Variants in RAPGEF2 observed in about 807,000 individuals in gnomAD.
RAPGEF2 encodes the protein Rap guanine nucleotide exchange factor 2.
A neutral mutation model predicts 186.7 loss-of-function variants in RAPGEF2; 54 were observed. The observed-to-expected ratio is 0.29, with a 90% confidence interval of 0.23 to 0.36. RAPGEF2 has a LOEUF of 0.36. RAPGEF2 is among the 10% of genes least tolerant of loss of function. The pLI, the probability that RAPGEF2 is intolerant of heterozygous loss-of-function variation, is 1.00. For synonymous variants in RAPGEF2, 712 were observed against 705.9 expected (o/e 1.01, Z -0.14); for missense variants, 1,532 against 2,045.0 (o/e 0.75, Z 4.84).
intron 7 of RAPGEF2, among the ~76,000 whole-genome samples, chr4:159,293,943 T>C (rs1014504317): frequency 6.6e-6 from 1 of 152,150 alleles, no homozygotes; most frequent in Non-Finnish European, 1.5e-5. Context: ...TTCTAACTGT[T>C]CATACTCCAG....
At chr4:159,181,667 C>T (rs1233105368) in intron 1 of RAPGEF2, among the ~76,000 whole-genome samples, 1 of 147,286 alleles carries the variant, frequency 6.8e-6, no homozygotes, top group African/African-American at 2.5e-5. Context: ...TCCTGAGTAG[C>T]TGGAACTACA....
intron 4 of RAPGEF2, among the ~76,000 whole-genome samples, chr4:159,211,246 C>T (rs555945576): frequency 2.6e-5 from 4 of 152,126 alleles, no homozygotes; most frequent in Non-Finnish European, 5.9e-5. Flanking sequence ...ATGTATTCCT[C>T]TGTTCCAACC....
intron 4 of RAPGEF2, among the ~76,000 whole-genome samples, chr4:159,220,119 GT>G (rs1432294962): frequency 6.6e-6 from 1 of 152,194 alleles, no homozygotes; most frequent in Non-Finnish European, 1.5e-5. Context: ...GGCAGAGCTG[GT>G]TGAGGAGACA....
intron 26 of RAPGEF2, among the ~76,000 whole-genome samples, chr4:159,350,551 TA>T (rs1731032136): frequency 6.6e-6 from 1 of 152,182 alleles, no homozygotes; most frequent in Admixed American, 6.5e-5. Context: ...TTAATTCAGA[TA>T]AATATACAAA....
intron 7 of RAPGEF2, among the ~76,000 whole-genome samples, chr4:159,251,756 G>C (rs532128754): frequency 6.6e-5 from 10 of 152,016 alleles, no homozygotes; most frequent in African/African-American, 2.4e-4. Flanking sequence ...CCAATCAGCT[G>C]TCTGTAAAAT....
Position 159,355,878 on chromosome 4 carries a change from G to GCCGGCCC in RAPGEF2, c.4679_4680insGGCCCCC (p.Pro1561AlafsTer16). The GCCGGCCC allele has an allele frequency of 4.2e-5, 64 of 1,515,658 alleles. No homozygotes were observed. The highest frequency in any genetic ancestry group is 5.5e-5 in the African/African-American group (4 of 72,202). The allele number at this position is 1,515,658 out of a possible 1,614,324, so 93.9% of individuals were successfully genotyped here. A position where few individuals can be genotyped will look rare whatever the true frequency, so the allele number is the denominator to read the frequency against. On this transcript the variant is annotated frameshift_variant, in exon 29 of 30. Transcript: ENST00000691494. LOFTEE classifies it high-confidence loss of function. ...CACGAAAGGAGGGCAGGTATCGAGA[G>GCCGGCCC]CCCCCGCCCACCCCTCCCGGCTACA... is the stretch of plus-strand genomic sequence containing the variant.
intron 1 of RAPGEF2, among the ~76,000 whole-genome samples, chr4:159,144,877 C>CTTTTT (rs1305914652): frequency 1.5e-4 from 12 of 77,612 alleles, no homozygotes; most frequent in East Asian, 4.1e-4. Context: ...TTCTTTCTTC[C>CTTTTT]TGTTTTTTTT....
chr4:159,323,068 CTT>C (rs1455536304), intron 10 of RAPGEF2, among the ~76,000 whole-genome samples: 2 of 152,066 alleles, frequency 1.3e-5, no homozygotes, highest in East Asian at 3.8e-4. Flanking sequence ...GATATATTAA[CTT>C]TTCAGTTTTT....
chr4:159,344,102 C>A, intron 23 of RAPGEF2, 43 bp downstream of exon 23: 1 of 1,517,912 alleles, frequency 6.6e-7, no homozygotes, highest in South Asian at 1.1e-5. Flanking sequence ...AGTTCTTATT[C>A]TGCTCATTGC....
At chr4:159,274,812 G>T (rs1406278316) in intron 7 of RAPGEF2, among the ~76,000 whole-genome samples, 1 of 152,092 alleles carries the variant, frequency 6.6e-6, no homozygotes, top group Non-Finnish European at 1.5e-5. Context: ...ATATAAATTT[G>T]CTACTTTAAA....
Position 159,193,341 on chromosome 4 carries a change from T to C in RAPGEF2, c.197+85T>C, listed in dbSNP as rs1462145828. The C allele has an allele frequency of 4.3e-6, 3 of 691,904 alleles. No individual in the cohort carries two copies. In the Admixed American group the frequency reaches 1.1e-4, roughly 26 times the overall value. The allele number at this position is 691,904 out of a possible 1,614,324, so 42.9% of individuals were successfully genotyped here. ...GTATCAAAGGAGTATTAGTAACAGC[T>C]GGCTAAGTCAGCACTAACTTATTTT... On this transcript the variant is annotated intron_variant, in intron 3 of 29. Coordinates refer to ENST00000691494, the MANE Select transcript of RAPGEF2 (RefSeq NM_001394067.2).
At chr4:159,121,675 A>T (rs1334668406) in intron 1 of RAPGEF2, among the ~76,000 whole-genome samples, 5 of 152,016 alleles carry the variant, frequency 3.3e-5, no homozygotes, top group African/African-American at 1.2e-4. Flanking sequence ...ATATATTAAA[A>T]AAATTTTTGG....
intron 3 of RAPGEF2, among the ~76,000 whole-genome samples, chr4:159,201,933 G>T (rs906762695): frequency 6.6e-6 from 1 of 152,084 alleles, no homozygotes; most frequent in Admixed American, 6.5e-5. Flanking sequence ...GATGATTCCT[G>T]TCTCCTTTTC....
chr4:159,120,569 C>G (rs1201309570), intron 1 of RAPGEF2, among the ~76,000 whole-genome samples: 5 of 152,122 alleles, frequency 3.3e-5, no homozygotes. Context: ...TATACATAAA[C>G]TGCTCTTAAT....
chr4:159,115,403 A>G (rs1738937854), intron 1 of RAPGEF2, among the ~76,000 whole-genome samples: 2 of 152,238 alleles, frequency 1.3e-5, no homozygotes, highest in African/African-American at 4.8e-5. Flanking sequence ...ACAAATGAAA[A>G]AGAAAAGAGC....
rs189743793 is a variant in RAPGEF2 at position 159,332,991 on chromosome 4, T to C, written c.2135+294T>C. ...ATTTTTATTTATTTATTTATTTATT[T>C]ATTTTGAGAAAGAGTCTCACTCTTA... On this transcript the variant is annotated intron_variant, in intron 17 of 29. Coordinates refer to ENST00000691494, the MANE Select transcript of RAPGEF2 (RefSeq NM_001394067.2). 4.6e-3 allele frequency: 749 copies of C among 163,752 alleles called. 7 individuals are homozygous for C. Among genetic ancestry groups the C allele is most frequent in the African/African-American group, 0.017 (700 of 41,738 alleles). The allele number at this position is 163,752 out of a possible 1,614,324, so 10.1% of individuals were successfully genotyped here.
At chr4:159,120,271 T>A (rs1739517218) in intron 1 of RAPGEF2, among the ~76,000 whole-genome samples, 1 of 152,218 alleles carries the variant, frequency 6.6e-6, no homozygotes, top group Non-Finnish European at 1.5e-5. Context: ...CTACATGCCT[T>A]GGCCTCCCAA....
intron 1 of RAPGEF2, among the ~76,000 whole-genome samples, chr4:159,104,553 A>T (rs11726377): frequency 0.48 from 65,792 of 135,750 alleles, 16,210 homozygotes; most frequent in Admixed American, 0.55. Context: ...AGAGAGAGAG[A>T]GTGTGTGTGT....
intron 4 of RAPGEF2, among the ~76,000 whole-genome samples, chr4:159,219,591 A>G (rs1262154389): frequency 1.3e-5 from 2 of 151,956 alleles, no homozygotes; most frequent in African/African-American, 2.4e-5. Flanking sequence ...GCCTGACCTC[A>G]TGATCTGCCT....
Sources: allele counts gnomAD v4.1 joint callset (sites outside exome capture counted in the v4.1 genomes callset), GRCh38; gene constraint gnomAD v4.1.1; transcripts MANE v1.5; gene names NCBI Gene and HGNC (gene_info 2026-07-23, HGNC 2026-07-21).